The following DENND1A variants were observed in gnomAD, a reference collection of about 807,000 sequenced individuals.
DENND1A encodes the protein DENN domain containing 1A.
A neutral mutation model predicts 113.7 loss-of-function variants in DENND1A; 51 were observed. That is an observed-to-expected ratio of 0.45 (90% CI 0.36 to 0.57). DENND1A has a LOEUF of 0.57. DENND1A is among the 20% of genes least tolerant of loss of function. DENND1A has a pLI of 0.00. For missense variants in DENND1A, 1,258 were observed against 1,395.9 expected, an observed-to-expected ratio of 0.90 and a Z score of 1.57; for synonymous variants, 565 against 570.8, an observed-to-expected ratio of 0.99 and a Z score of 0.14.
intron 21 of DENND1A, among the ~76,000 whole-genome samples, chr9:123,396,139 G>T (rs534325262): frequency 6.6e-6 from 1 of 152,302 alleles, no homozygotes; most frequent in East Asian, 1.9e-4. Context: ...CTGAGATAAG[G>T]CCAGGAGGGA....
rs574289872 is a variant in DENND1A, at chr9:123,737,188, GGTT to G, written c.302+20512_302+20514del. Among the ~76,000 whole-genome samples, 152 of 152,084 alleles carry G rather than the reference GGTT, an allele frequency of 1.0e-3. 1 individual carries two copies. Among genetic ancestry groups the G allele is most frequent in the African/African-American group, 3.5e-3 (146 of 41,496 alleles). ...TTAACCTTTAATTCAACTCAGTTTT[GGTT>G]GTTGTTGTTGTACTTGTTTAAGAGA... is the stretch of plus-strand genomic sequence containing the variant. On this transcript the variant is annotated intron_variant, in intron 5 of 23. Coordinates refer to ENST00000394215, the MANE Select transcript of DENND1A (RefSeq NM_001352964.2).
chr9:123,823,427 A>G (rs1430115288), intron 2 of DENND1A, among the ~76,000 whole-genome samples: 1 of 152,174 alleles, frequency 6.6e-6, no homozygotes, highest in Admixed American at 6.5e-5. Flanking sequence ...CAGAAGCCCA[A>G]TATGTTGATC....
At chr9:123,623,751 A>T (rs894184589) in intron 10 of DENND1A, among the ~76,000 whole-genome samples, 7 of 152,220 alleles carry the variant, frequency 4.6e-5, no homozygotes, top group Non-Finnish European at 8.8e-5. Context: ...TATTAACTGC[A>T]TGCAAACTAG....
Position 123,576,085 on chromosome 9 carries a change from A to G in DENND1A, c.867+7084T>C, listed in dbSNP as rs140604801. On this transcript the variant is annotated intron_variant, in intron 12 of 23. Transcript: ENST00000394215. ...CCTTCAATACTGGCTTATTAGCTATATATCTCTGTCTTATTTTTTCCTCCC... is the reference window on the plus strand; with the variant it reads ...CCTTCAATACTGGCTTATTAGCTATGTATCTCTGTCTTATTTTTTCCTCCC... 1.3e-3 allele frequency among the ~76,000 whole-genome samples: 205 copies of G among 152,302 alleles called. 3 individuals are homozygous for G. The Middle Eastern group carries it at 0.014, about 10-fold the overall frequency.
intron 13 of DENND1A, among the ~76,000 whole-genome samples, chr9:123,500,792 A>C (rs546123857): frequency 1.3e-5 from 2 of 152,242 alleles, no homozygotes; most frequent in African/African-American, 2.4e-5. Flanking sequence ...ACAGAACCAT[A>C]CTCAAATCTG....
intron 5 of DENND1A, among the ~76,000 whole-genome samples, chr9:123,710,179 T>C (rs2066485490): frequency 6.6e-6 from 1 of 152,236 alleles, no homozygotes; most frequent in Admixed American, 6.5e-5. Context: ...AATCCTTGCA[T>C]ACATACAAAT....
chr9:123,884,351 C>T (rs530570225), intron 1 of DENND1A, among the ~76,000 whole-genome samples: 1 of 152,318 alleles, frequency 6.6e-6, no homozygotes, highest in Admixed American at 6.5e-5. Flanking sequence ...ATGCCACATT[C>T]AGAGCCAATT....
At chr9:123,445,859 G>A (rs985369492) in intron 18 of DENND1A, among the ~76,000 whole-genome samples, 2 of 152,068 alleles carry the variant, frequency 1.3e-5, no homozygotes, top group African/African-American at 4.8e-5. Flanking sequence ...AGAGTGAGAC[G>A]CCATCTCAAA....
intron 5 of DENND1A, among the ~76,000 whole-genome samples, chr9:123,739,015 T>C (rs2068785681): frequency 6.6e-6 from 1 of 152,234 alleles, no homozygotes; most frequent in Non-Finnish European, 1.5e-5. Flanking sequence ...ACCTTTCGTG[T>C]GGCTTTTAGA....
chr9:123,533,013 C>G (rs1318026578), intron 13 of DENND1A, among the ~76,000 whole-genome samples: 1 of 152,188 alleles, frequency 6.6e-6, no homozygotes, highest in Non-Finnish European at 1.5e-5. Context: ...CACACAAGTA[C>G]ACATAGGACA....
intron 1 of DENND1A, among the ~76,000 whole-genome samples, chr9:123,888,359 T>A (rs1056525868): frequency 1.3e-5 from 2 of 152,178 alleles, no homozygotes; most frequent in Non-Finnish European, 2.9e-5. Context: ...TTCATACGCA[T>A]CTAAATAAGG....
At chr9:123,923,599 G>A (rs1365113475) in intron 1 of DENND1A, among the ~76,000 whole-genome samples, 1 of 152,198 alleles carries the variant, frequency 6.6e-6, no homozygotes, top group Non-Finnish European at 1.5e-5. Flanking sequence ...ACAAACTGGA[G>A]CAGAGCTATC....
chr9:123,450,940 G>A (rs558884458), intron 17 of DENND1A, among the ~76,000 whole-genome samples, 191 bp from the exon 18 acceptor site: 2 of 152,152 alleles, frequency 1.3e-5, no homozygotes, highest in Admixed American at 1.3e-4. Flanking sequence ...AACCCTTAAA[G>A]AGGCTGCAGA....
chr9:123,880,468 G>T (rs1469310654), intron 1 of DENND1A, among the ~76,000 whole-genome samples: 2 of 152,140 alleles, frequency 1.3e-5, no homozygotes, highest in Admixed American at 6.6e-5. Context: ...AGAAAATGTT[G>T]TACTTTCAAA....
intron 5 of DENND1A, among the ~76,000 whole-genome samples, chr9:123,701,062 C>T (rs1221133491): frequency 1.3e-5 from 2 of 152,162 alleles, no homozygotes; most frequent in Non-Finnish European, 2.9e-5. Context: ...GACTGAAGAC[C>T]TAAGTATAAG....
intron 3 of DENND1A, among the ~76,000 whole-genome samples, chr9:123,786,712 C>A (rs1224581198): frequency 6.6e-6 from 1 of 152,096 alleles, no homozygotes; most frequent in Non-Finnish European, 1.5e-5. Context: ...CTTTTTAAGA[C>A]CAGATTATAG....
chr9:123,538,274 G>C (rs1002760950), intron 13 of DENND1A, among the ~76,000 whole-genome samples: 41 of 152,176 alleles, frequency 2.7e-4, no homozygotes, highest in African/African-American at 8.7e-4. Flanking sequence ...AAGCTCTGTA[G>C]TCTTGAATTT....
At chr9:123,722,512 C>G (rs934911410) in intron 5 of DENND1A, among the ~76,000 whole-genome samples, 8 of 152,132 alleles carry the variant, frequency 5.3e-5, no homozygotes, top group African/African-American at 1.4e-4. Context: ...CCATCACAGG[C>G]CCGGAGGTTT....
intron 2 of DENND1A, among the ~76,000 whole-genome samples, chr9:123,823,510 C>T (rs1017969458): frequency 2.0e-5 from 3 of 152,116 alleles, no homozygotes; most frequent in Admixed American, 2.0e-4. Flanking sequence ...CACAGGGTCT[C>T]ATGGGGCACA....
Sources: gnomAD v4.1 joint callset for allele counts (sites outside exome capture counted in the v4.1 genomes callset) on GRCh38, gnomAD v4.1.1 for gene constraint, MANE v1.5 for transcripts, NCBI Gene and HGNC (gene_info 2026-07-23, HGNC 2026-07-21) for gene names.